Variants in ADGRL3 observed in about 807,000 individuals in gnomAD.
ADGRL3 encodes the protein adhesion G protein-coupled receptor L3.
In ADGRL3, 62 loss-of-function variants were observed where a neutral mutation model predicts 153.5. The observed-to-expected ratio is 0.40, with a 90% confidence interval of 0.33 to 0.50. The LOEUF (loss-of-function observed/expected upper bound fraction) is 0.50, where lower values mean the gene tolerates loss of function less well. Ranked by LOEUF, ADGRL3 falls within the 20% of genes least tolerant of loss-of-function variation. ADGRL3 has a pLI of 0.47. For missense variants in ADGRL3, 1,641 were observed against 1,859.4 expected, an observed-to-expected ratio of 0.88 and a Z score of 2.16; for synonymous variants, 710 against 672.5, an observed-to-expected ratio of 1.06 and a Z score of -0.86.
chr4:61,530,916 T>C (rs2098608994), intron 4 of ADGRL3, among the ~76,000 whole-genome samples: 1 of 152,218 alleles, frequency 6.6e-6, no homozygotes, highest in African/African-American at 2.4e-5. Flanking sequence ...TGTGTATGTT[T>C]CTTCCTTATT....
chr4:61,787,027 C>T (rs765859880), intron 8 of ADGRL3, among the ~76,000 whole-genome samples: 1 of 151,998 alleles, frequency 6.6e-6, no homozygotes, highest in East Asian at 1.9e-4. Flanking sequence ...AAATTTGAAA[C>T]AAAATTAATT....
At chr4:61,315,983 G>T (rs1252900474) in intron 1 of ADGRL3, among the ~76,000 whole-genome samples, 2 of 152,034 alleles carry the variant, frequency 1.3e-5, no homozygotes, top group Non-Finnish European at 2.9e-5. Flanking sequence ...AGGCACTAGG[G>T]ATATAACAAT....
At chr4:61,902,742 A>G (rs1391664554) in intron 11 of ADGRL3, among the ~76,000 whole-genome samples, 2 of 152,058 alleles carry the variant, frequency 1.3e-5, no homozygotes, top group African/African-American at 4.8e-5. Flanking sequence ...TTCCATCTCA[A>G]ATGAAACATT....
At chr4:61,302,254 G>T (rs1368929055) in intron 1 of ADGRL3, among the ~76,000 whole-genome samples, 1 of 152,040 alleles carries the variant, frequency 6.6e-6, no homozygotes, top group Non-Finnish European at 1.5e-5. Context: ...AATGATGAAG[G>T]AGAGAGGTGG....
At chr4:61,387,993 C>T (rs1404477955) in intron 2 of ADGRL3, among the ~76,000 whole-genome samples, 1 of 152,164 alleles carries the variant, frequency 6.6e-6, no homozygotes, top group African/African-American at 2.4e-5. Flanking sequence ...AAAATCTTCA[C>T]AATCCATGTT....
chr4:61,811,996 G>A (rs910416780), intron 8 of ADGRL3, among the ~76,000 whole-genome samples: 8 of 152,030 alleles, frequency 5.3e-5, no homozygotes, highest in Middle Eastern at 3.4e-3. Flanking sequence ...ACGATATTAC[G>A]ATATTGTAGT....
chr4:61,412,200 C>T (rs1253841916), intron 2 of ADGRL3, among the ~76,000 whole-genome samples: 3 of 152,114 alleles, frequency 2.0e-5, no homozygotes, highest in African/African-American at 7.2e-5. Context: ...CCCATCTCAG[C>T]CTCACGAGGG....
chr4:61,374,117 G>A (rs1196254218), intron 1 of ADGRL3, among the ~76,000 whole-genome samples: 3 of 152,090 alleles, frequency 2.0e-5, no homozygotes, highest in Admixed American at 6.5e-5. Flanking sequence ...CTAGGATCTT[G>A]TTTGGGTGGG....
intron 1 of ADGRL3, among the ~76,000 whole-genome samples, chr4:61,298,032 G>C (rs892925958): frequency 6.6e-6 from 1 of 152,038 alleles, no homozygotes; most frequent in Non-Finnish European, 1.5e-5. Flanking sequence ...AAGGAAACTG[G>C]AGTGAAAGAA....
At chr4:61,365,928 G>C (rs1051739463) in intron 1 of ADGRL3, among the ~76,000 whole-genome samples, 5 of 152,052 alleles carry the variant, frequency 3.3e-5, no homozygotes, top group Non-Finnish European at 5.9e-5. Flanking sequence ...ATATTTATGG[G>C]GTTTAGAAAA....
intron 9 of ADGRL3, among the ~76,000 whole-genome samples, chr4:61,816,623 G>T (rs1171873200): frequency 6.6e-6 from 1 of 152,076 alleles, no homozygotes; most frequent in Non-Finnish European, 1.5e-5. Flanking sequence ...AAAATCAAAC[G>T]ACAAAAAAAC....
At chr4:61,863,323 C>T (rs375912446) in intron 9 of ADGRL3, among the ~76,000 whole-genome samples, 2,035 of 146,496 alleles carry the variant, frequency 0.014, 45 homozygotes, top group African/African-American at 0.047. Context: ...CTGCAAGCTC[C>T]GCCTCCCGGG....
At position 61,477,234 on chromosome 4, in the gene ADGRL3, A is replaced by C. The variant is rs966558329; in HGVS notation, c.-173-19887A>C. On this transcript the variant is annotated intron_variant, in intron 2 of 26. Transcript: ENST00000683033. Reference sequence around the variant, plus strand: ...CGAATGAATTTTCCATTATTAAGTCAGAAAATTCATAGCCCGATTTTAATC... The same window carrying C: ...CGAATGAATTTTCCATTATTAAGTCCGAAAATTCATAGCCCGATTTTAATC... 1.4e-4 allele frequency among the ~76,000 whole-genome samples: 22 copies of C among 152,212 alleles called. 1 individual carries two copies. The highest frequency in any genetic ancestry group is 1.4e-3 in the Admixed American group (21 of 15,284).
chr4:61,582,228 C>A (rs958309225), intron 4 of ADGRL3, among the ~76,000 whole-genome samples: 8 of 151,836 alleles, frequency 5.3e-5, no homozygotes, highest in Admixed American at 2.0e-4. Flanking sequence ...GCAGGACATG[C>A]AGGTCTGTTA....
chr4:61,920,463 A>G (rs950882631), intron 13 of ADGRL3, among the ~76,000 whole-genome samples: 3 of 152,206 alleles, frequency 2.0e-5, no homozygotes, highest in African/African-American at 7.2e-5. Context: ...GACTGCTCCC[A>G]GAGTTACAAT....
At position 61,391,558 on chromosome 4, in the gene ADGRL3, G is replaced by A. The variant is rs76526724; in HGVS notation, c.-174+8369G>A. Among the ~76,000 whole-genome samples the A allele has an allele frequency of 7.6e-3, 1,158 of 152,178 alleles. 15 individuals are homozygous for A. Among genetic ancestry groups the A allele is most frequent in the African/African-American group, 0.026 (1,085 of 41,536 alleles). On this transcript the variant is annotated intron_variant, in intron 2 of 26. Transcript: ENST00000683033. ...TGTGTGTGAGTCTGCATGTATGTGC[G>A]TAAGTTTTCATCACTCTAGGTTAAA... is the stretch of plus-strand genomic sequence containing the variant.
Position 62,071,741 on chromosome 4 carries a change from T to C in ADGRL3, c.*833T>C. 2.4e-6 allele frequency: 1 copy of C among 419,258 alleles called. No individual in the cohort carries two copies. The highest frequency in any genetic ancestry group is 1.8e-5 in the South Asian group (1 of 55,868). The allele number at this position is 419,258 out of a possible 1,614,324, so 26.0% of individuals were successfully genotyped here. On this transcript the variant is annotated 3_prime_UTR_variant, in exon 27 of 27. Transcript: ENST00000683033. ...TCCTTTCTTCTCTTTCTTCATTTTCTTTTTTTCTTTTTTGCCTTTTATTCC... is the reference window on the plus strand; with the variant it reads ...TCCTTTCTTCTCTTTCTTCATTTTCCTTTTTTCTTTTTTGCCTTTTATTCC...
At chr4:61,797,859 T>C (rs912998668) in intron 8 of ADGRL3, among the ~76,000 whole-genome samples, 3 of 152,206 alleles carry the variant, frequency 2.0e-5, no homozygotes, top group Admixed American at 6.5e-5. Context: ...AAATAATTAA[T>C]GTCAAATTAT....
intron 4 of ADGRL3, among the ~76,000 whole-genome samples, chr4:61,553,604 T>C (rs1409129498): frequency 2.0e-5 from 3 of 152,190 alleles, no homozygotes; most frequent in Non-Finnish European, 4.4e-5. Flanking sequence ...GACATCACAA[T>C]ATAATAAGAG....
Sources: allele counts gnomAD v4.1 joint callset (sites outside exome capture counted in the v4.1 genomes callset), GRCh38; gene constraint gnomAD v4.1.1; transcripts MANE v1.5; gene names NCBI Gene and HGNC (gene_info 2026-07-23, HGNC 2026-07-21).